The following TIMD4 variants were observed in gnomAD, a reference collection of about 807,000 sequenced individuals.
The protein encoded by TIMD4 is T-cell immunoglobulin and mucin domain-containing protein 4.
TIMD4 carries 31 observed loss-of-function variants against 41.2 expected under a neutral mutation model. The ratio of observed to expected loss-of-function variants is 0.75; its 90% confidence interval spans 0.57 to 1.01. The LOEUF is 1.01. Among genes scored for constraint, TIMD4 ranks in the 50% least tolerant of loss-of-function variants. The probability of loss-of-function intolerance (pLI) is 0.00; values close to 1 mark genes in which losing one functional copy is unlikely to be tolerated. For synonymous variants in TIMD4, 204 were observed against 177.1 expected, an observed-to-expected ratio of 1.15 and a Z score of -1.21; for missense variants, 479 against 472.5, an observed-to-expected ratio of 1.01 and a Z score of -0.13.
In TIMD4 at chr5:156,919,452, C is replaced by G; in HGVS notation, c.*5G>C. 1 of 1,612,646 alleles carries G rather than the reference C, an allele frequency of 6.2e-7. No individual in the cohort carries two copies. Among genetic ancestry groups the G allele is most frequent in the African/African-American group, 1.3e-5 (1 of 74,992 alleles). On this transcript the variant is annotated 3_prime_UTR_variant, in exon 9 of 9. Coordinates refer to ENST00000274532, the MANE Select transcript of TIMD4 (RefSeq NM_138379.3). ...CCATCCTCAATCTAACATGCTACTG[C>G]GTTGTTAGAGGGTAAAAAGGCCGTC... is the stretch of plus-strand genomic sequence containing the variant.
At chr5:156,956,170 TTATACTGTTTCTATG>T (rs548862596) in intron 1 of TIMD4, among the ~76,000 whole-genome samples, 5 of 152,224 alleles carry the variant, frequency 3.3e-5, no homozygotes, top group Admixed American at 2.6e-4. Context: ...GTAACCACCT[TTATACTGTTTCTATG>T]GGATTAACTT....
At chr5:156,952,648 A>G (rs1490247470) in intron 2 of TIMD4, among the ~76,000 whole-genome samples, 2 of 152,214 alleles carry the variant, frequency 1.3e-5, no homozygotes, top group Admixed American at 1.3e-4. Flanking sequence ...AGATTCTCCA[A>G]TAATGATTAG....
chr5:156,926,808 A>C (rs559668681), intron 5 of TIMD4, among the ~76,000 whole-genome samples: 4 of 152,210 alleles, frequency 2.6e-5, no homozygotes, highest in African/African-American at 4.8e-5. Flanking sequence ...TCTGGGAAAA[A>C]TACAGTATAA....
At chr5:156,947,845 G>A (rs1264265262) in intron 5 of TIMD4, among the ~76,000 whole-genome samples, 1 of 152,180 alleles carries the variant, frequency 6.6e-6, no homozygotes, top group African/African-American at 2.4e-5. Flanking sequence ...AAGACAAGGA[G>A]TGAAAGAGAA....
intron 6 of TIMD4, 60 bp from the exon 7 acceptor site, chr5:156,922,276 T>C (rs1759258879): frequency 7.7e-7 from 1 of 1,299,626 alleles, no homozygotes; most frequent in Non-Finnish European, 1.1e-6. Context: ...CCTCACAAGA[T>C]GACATCCCAG....
chr5:156,930,002 G>T (rs376638230), intron 5 of TIMD4, among the ~76,000 whole-genome samples: 2 of 152,054 alleles, frequency 1.3e-5, no homozygotes, highest in African/African-American at 2.4e-5. Flanking sequence ...ACAGAGTCTC[G>T]CTCGGTCACC....
At chr5:156,931,131 G>A (rs1412197698) in intron 5 of TIMD4, among the ~76,000 whole-genome samples, 2 of 152,310 alleles carry the variant, frequency 1.3e-5, no homozygotes, top group Admixed American at 1.3e-4. Flanking sequence ...GGAGTCACAA[G>A]CCAAGGAATG....
intron 5 of TIMD4, among the ~76,000 whole-genome samples, chr5:156,948,024 G>T (rs1309324903): frequency 1.3e-5 from 2 of 152,152 alleles, no homozygotes; most frequent in African/African-American, 4.8e-5. Flanking sequence ...TTCAACAGAG[G>T]GACTTCAGAG....
chr5:156,953,696 A>T (rs1360572042), intron 2 of TIMD4, among the ~76,000 whole-genome samples: 1 of 150,586 alleles, frequency 6.6e-6, no homozygotes, highest in African/African-American at 2.4e-5. Context: ...GAGAATATAG[A>T]TGTCTAGATT....
chr5:156,938,903 A>C (rs1304430892), intron 5 of TIMD4, among the ~76,000 whole-genome samples: 1 of 152,116 alleles, frequency 6.6e-6, no homozygotes, highest in Non-Finnish European at 1.5e-5. Flanking sequence ...TTGCCAGCCC[A>C]GCTTCCTCGG....
intron 5 of TIMD4, among the ~76,000 whole-genome samples, chr5:156,927,079 C>T (rs560570035): frequency 6.6e-6 from 1 of 152,290 alleles, no homozygotes; most frequent in South Asian, 2.1e-4. Context: ...GCCTAACAGG[C>T]CAAAGGTAGT....
intron 6 of TIMD4, among the ~76,000 whole-genome samples, chr5:156,923,189 G>C (rs1233812505): frequency 2.1e-5 from 3 of 143,460 alleles, no homozygotes; most frequent in Non-Finnish European, 3.0e-5. Flanking sequence ...CACTCTGTCA[G>C]CCAGGCTGGA....
Position 156,948,877 on chromosome 5 carries a change from C to T in TIMD4, c.761-378G>A, listed in dbSNP as rs569997025. 2.6e-5 allele frequency among the ~76,000 whole-genome samples: 4 copies of T among 152,362 alleles called. No individual in the cohort carries two copies. In the East Asian group the frequency reaches 5.8e-4, roughly 22 times the overall value. On this transcript the variant is annotated intron_variant, in intron 4 of 8. Coordinates refer to ENST00000274532, the MANE Select transcript of TIMD4 (RefSeq NM_138379.3). ...CTGTACTATCACAAACGCTGACTTA[C>T]TTACCTTACAGATGTCTGTTTTCCC...
At chr5:156,920,317 A>G (rs1236130454) in intron 8 of TIMD4, 147 bp downstream of exon 8, 1 of 897,984 alleles carries the variant, frequency 1.1e-6, no homozygotes, top group Non-Finnish European at 1.7e-6. Flanking sequence ...CTAAATCTGC[A>G]CAACTTTTTC....
chr5:156,919,487 C>T lies in TIMD4; in HGVS notation c.1107G>A (p.Arg369=). The T allele has an allele frequency of 6.2e-7, 1 of 1,614,086 alleles. No homozygotes were observed. The highest frequency in any genetic ancestry group is 8.5e-7 in the Non-Finnish European group (1 of 1,179,956). Residue 369 remains arginine, a synonymous_variant, in exon 9 of 9, where the codon AGG becomes AGA. Coordinates refer to ENST00000274532, the MANE Select transcript of TIMD4 (RefSeq NM_138379.3). ...KNVLNDVQHG[R]EDEDGLFTL Reference sequence around the variant, plus strand: ...GGGTAAAAAGGCCGTCTTCGTCTTCCCTTCCATGCTGCACGTCATTGAGGA... The same window carrying T: ...GGGTAAAAAGGCCGTCTTCGTCTTCTCTTCCATGCTGCACGTCATTGAGGA...
chr5:156,932,531 C>T (rs10079117), intron 5 of TIMD4, among the ~76,000 whole-genome samples: 2,908 of 152,148 alleles, frequency 0.019, 45 homozygotes, highest in African/African-American at 0.045. Flanking sequence ...CAAAGGCCTG[C>T]GAGGGTTAAT....
chr5:156,935,006 A>G (rs62382399), intron 5 of TIMD4, among the ~76,000 whole-genome samples: 3,880 of 152,334 alleles, frequency 0.025, 78 homozygotes, highest in South Asian at 0.066. Context: ...AGAAGTGACA[A>G]GTGCAAGCCT....
intron 4 of TIMD4, 55 bp from the exon 5 acceptor site, chr5:156,948,554 TG>T: frequency 7.8e-7 from 1 of 1,289,598 alleles, no homozygotes. Context: ...CTTGTCTTCC[TG>T]CTTTTGGTAC....
At chr5:156,954,781 G>A (rs756260701) in intron 1 of TIMD4, 25 bp from the exon 2 acceptor site, 7 of 1,570,888 alleles carry the variant, frequency 4.5e-6, no homozygotes, top group Non-Finnish European at 3.5e-6. Context: ...GCGAAATTTA[G>A]GTCATGCAGT....
Sources: gnomAD v4.1 joint callset for allele counts (sites outside exome capture counted in the v4.1 genomes callset) on GRCh38, gnomAD v4.1.1 for gene constraint, MANE v1.5 for transcripts, NCBI Gene and HGNC (gene_info 2026-07-23, HGNC 2026-07-21) for gene names.